Variants in ZRANB3 observed in about 807,000 individuals in gnomAD.
ZRANB3 encodes the protein DNA annealing helicase and endonuclease ZRANB3.
Under a neutral mutation model 133.8 loss-of-function variants are expected in ZRANB3, and 125 were observed. That is an observed-to-expected ratio of 0.93 (90% CI 0.81 to 1.08). ZRANB3 has a LOEUF of 1.08. Ranked by LOEUF, ZRANB3 falls within the 50% of genes least tolerant of loss-of-function variation. The probability of loss-of-function intolerance (pLI) is 0.00; values close to 1 mark genes in which losing one functional copy is unlikely to be tolerated. For synonymous variants in ZRANB3, 387 were observed against 432.7 expected (o/e 0.89, Z 1.31); for missense variants, 1,229 against 1,275.5 (o/e 0.96, Z 0.56).
At chr2:135,372,439 C>T (rs1426303624) in intron 3 of ZRANB3, among the ~76,000 whole-genome samples, 1 of 152,110 alleles carries the variant, frequency 6.6e-6, no homozygotes, top group Non-Finnish European at 1.5e-5. Flanking sequence ...TACTTTATCT[C>T]CATGCTTAGG....
chr2:135,220,481 C>T (rs1419922004), intron 15 of ZRANB3, among the ~76,000 whole-genome samples: 1 of 151,742 alleles, frequency 6.6e-6, no homozygotes, highest in Non-Finnish European at 1.5e-5. Flanking sequence ...AGGAGGACCA[C>T]GAGGTCATGA....
chr2:135,516,338 G>C (rs1196643477), intron 1 of ZRANB3, among the ~76,000 whole-genome samples: 2 of 152,148 alleles, frequency 1.3e-5, no homozygotes, highest in Admixed American at 1.3e-4. Context: ...TTGCCCATTA[G>C]TTGATGAAAT....
chr2:135,223,501 T>C (rs115759826), intron 15 of ZRANB3, among the ~76,000 whole-genome samples: 4,104 of 151,350 alleles, frequency 0.027, 172 homozygotes, highest in African/African-American at 0.093. Context: ...AATTTTCATA[T>C]TTTTAGTAGA....
chr2:135,280,272 T>C lies in ZRANB3; in HGVS notation c.967-4517A>G, dbSNP rs141460893. Among the ~76,000 whole-genome samples, 1,084 of 152,300 alleles carry C rather than the reference T, an allele frequency of 7.1e-3. 11 individuals carry two copies. Among genetic ancestry groups the C allele is most frequent in the African/African-American group, 0.024 (1,014 of 41,566 alleles). On this transcript the variant is annotated intron_variant, in intron 8 of 20. Coordinates refer to ENST00000264159, the MANE Select transcript of ZRANB3 (RefSeq NM_032143.4). The stretch of plus-strand genomic sequence containing the variant: ...AATGAAGACTATACATTATATCTTA[T>C]TTAAAAAAATGCAGGCCAGGCGTGG...
intron 1 of ZRANB3, among the ~76,000 whole-genome samples, chr2:135,507,527 C>T (rs1302657198): frequency 6.6e-6 from 1 of 152,028 alleles, no homozygotes; most frequent in Non-Finnish European, 1.5e-5. Context: ...CCAGAAGTAA[C>T]AGGAGTTTCA....
rs143650718 is a variant in ZRANB3 at position 135,472,754 on chromosome 2, A to C, written c.161+31575T>G. On this transcript the variant is annotated intron_variant, in intron 2 of 20. Coordinates refer to ENST00000264159, the MANE Select transcript of ZRANB3 (RefSeq NM_032143.4). ...TATCAGCCACCTCTGTTATTGGCTTATAAGTCTTATACCTCAGACAAATTA... is the reference window on the plus strand; with the variant it reads ...TATCAGCCACCTCTGTTATTGGCTTCTAAGTCTTATACCTCAGACAAATTA... Among the ~76,000 whole-genome samples, 211 of 152,346 alleles carry C rather than the reference A, an allele frequency of 1.4e-3. No homozygotes were observed. In the Middle Eastern group the frequency reaches 0.031, roughly 22 times the overall value.
intron 6 of ZRANB3, among the ~76,000 whole-genome samples, chr2:135,323,831 G>T (rs544841554): frequency 6.6e-6 from 1 of 151,696 alleles, no homozygotes; most frequent in Non-Finnish European, 1.5e-5. Context: ...GCAGTGGTTC[G>T]ATCTCGGCTC....
At chr2:135,478,686 A>C (rs1211613356) in intron 2 of ZRANB3, among the ~76,000 whole-genome samples, 2 of 152,024 alleles carry the variant, frequency 1.3e-5, no homozygotes, top group Non-Finnish European at 2.9e-5. Flanking sequence ...CATTGTTTTA[A>C]GTTTTCCACT....
chr2:135,221,230 A>G lies in ZRANB3; in HGVS notation c.2251-2052T>C, dbSNP rs146568887. On this transcript the variant is annotated intron_variant, in intron 15 of 20. Transcript: ENST00000264159. ...ACTCTGGTTGTGAAAAGATATGTCAACAACTCATCTGCTTAGTGTCTTGTG... is the reference window on the plus strand; with the variant it reads ...ACTCTGGTTGTGAAAAGATATGTCAGCAACTCATCTGCTTAGTGTCTTGTG... 2.6e-5 allele frequency among the ~76,000 whole-genome samples: 4 copies of G among 152,286 alleles called. No individual in the cohort carries two copies. In the East Asian group the frequency reaches 5.8e-4, roughly 22 times the overall value.
intron 3 of ZRANB3, among the ~76,000 whole-genome samples, chr2:135,365,430 G>T (rs748054718): frequency 6.6e-6 from 1 of 152,142 alleles, no homozygotes; most frequent in Non-Finnish European, 1.5e-5. Context: ...ATCAATTAAA[G>T]TGCTATATAT....
intron 2 of ZRANB3, among the ~76,000 whole-genome samples, chr2:135,411,395 A>T (rs1179988193): frequency 1.3e-5 from 2 of 152,178 alleles, no homozygotes; most frequent in African/African-American, 4.8e-5. Flanking sequence ...TTACCACTCA[A>T]ATCAGAAACC....
intron 2 of ZRANB3, among the ~76,000 whole-genome samples, chr2:135,483,671 T>A (rs564512686): frequency 1.1e-4 from 17 of 152,240 alleles, no homozygotes; most frequent in African/African-American, 3.4e-4. Flanking sequence ...ATGTGTTTGC[T>A]CTTGCTTTTC....
chr2:135,408,480 T>C (rs1323353334), intron 2 of ZRANB3, among the ~76,000 whole-genome samples: 1 of 149,522 alleles, frequency 6.7e-6, no homozygotes. Context: ...ACTGGGTATA[T>C]ACCCAAAGGA....
chr2:135,334,035 G>A (rs774736975), intron 6 of ZRANB3, among the ~76,000 whole-genome samples: 4 of 152,026 alleles, frequency 2.6e-5, no homozygotes, highest in African/African-American at 7.2e-5. Flanking sequence ...ACCTAACTCC[G>A]TCACTATCTT....
At chr2:135,416,016 A>T (rs1688555354) in intron 2 of ZRANB3, among the ~76,000 whole-genome samples, 1 of 152,064 alleles carries the variant, frequency 6.6e-6, no homozygotes, top group African/African-American at 2.4e-5. Flanking sequence ...GAATGGGCAA[A>T]AACTGGAAGC....
At chr2:135,237,936 T>TAAAAACA (rs936069543) in intron 12 of ZRANB3, among the ~76,000 whole-genome samples, 2 of 152,086 alleles carry the variant, frequency 1.3e-5, no homozygotes, top group African/African-American at 2.4e-5. Context: ...AAAGTATAAC[T>TAAAAACA]AAAAACAAAA....
At chr2:135,396,832 A>G (rs1687513479) in intron 2 of ZRANB3, among the ~76,000 whole-genome samples, 1 of 152,246 alleles carries the variant, frequency 6.6e-6, no homozygotes, top group African/African-American at 2.4e-5. Context: ...TGTTTGTAAC[A>G]TAATGAATAA....
At chr2:135,384,624 A>T (rs1033100048) in intron 3 of ZRANB3, among the ~76,000 whole-genome samples, 2 of 152,214 alleles carry the variant, frequency 1.3e-5, no homozygotes, top group African/African-American at 4.8e-5. Context: ...ATCCAGCAGC[A>T]CATCAAAAAG....
intron 12 of ZRANB3, among the ~76,000 whole-genome samples, chr2:135,252,540 T>C (rs1679452026): frequency 1.3e-5 from 2 of 152,166 alleles, no homozygotes; most frequent in African/African-American, 2.4e-5. Context: ...AATCCACTTA[T>C]GTCTAGTGTG....
Sources: gnomAD v4.1 joint callset for allele counts (sites outside exome capture counted in the v4.1 genomes callset) on GRCh38, gnomAD v4.1.1 for gene constraint, MANE v1.5 for transcripts, NCBI Gene and HGNC (gene_info 2026-07-23, HGNC 2026-07-21) for gene names.